NRG1: variants seen among roughly 807,000 people sequenced by gnomAD.
NRG1 encodes neuregulin 1, also known as pro-neuregulin-1, membrane-bound isoform.
NRG1 carries 18 observed loss-of-function variants against 63.8 expected under a neutral mutation model. The observed-to-expected ratio is 0.28, with a 90% CI of 0.19 to 0.42. The LOEUF (loss-of-function observed/expected upper bound fraction) is 0.42. NRG1 is among the 10% of genes least tolerant of loss of function. The pLI, the probability that NRG1 is intolerant of heterozygous loss-of-function variation, is 1.00. For synonymous variants in NRG1, 302 were observed against 301.3 expected (o/e 1.00, Z -0.02); for missense variants, 762 against 814.7 (o/e 0.94, Z 0.79).
chr8:32,731,373 A>T (rs1823613566), intron 6 of NRG1, among the ~76,000 whole-genome samples: 1 of 151,714 alleles, frequency 6.6e-6, no homozygotes. Flanking sequence ...TGTCTAGTGG[A>T]TCATTCTTGC....
At chr8:31,778,328 G>T (rs1350966882) in intron 1 of NRG1, among the ~76,000 whole-genome samples, 1 of 152,088 alleles carries the variant, frequency 6.6e-6, no homozygotes, top group South Asian at 2.1e-4. Context: ...GAAGCATGAA[G>T]CCAGCCAGCC....
At chr8:31,695,265 G>T (rs1809937755) in intron 1 of NRG1, among the ~76,000 whole-genome samples, 1 of 152,160 alleles carries the variant, frequency 6.6e-6, no homozygotes, top group South Asian at 2.1e-4. Context: ...TGCCTCTCAG[G>T]TTCAAGTGAT....
chr8:32,762,059 A>ACAAAC (rs1554668851), intron 11 of NRG1, among the ~76,000 whole-genome samples: 17 of 148,264 alleles, frequency 1.1e-4, no homozygotes, highest in African/African-American at 4.4e-4. Flanking sequence ...AAAAAAAAAA[A>ACAAAC]ACATTCTGGA....
At chr8:32,354,800 T>TTA (rs1554516716) in intron 1 of NRG1, among the ~76,000 whole-genome samples, 105 of 113,718 alleles carry the variant, frequency 9.2e-4, no homozygotes, top group Middle Eastern at 5.2e-3. Flanking sequence ...CTGCTTTTTT[T>TTA]AAAAAAAAAA....
chr8:32,276,827 G>T (rs1269228882), intron 1 of NRG1, among the ~76,000 whole-genome samples: 1 of 152,204 alleles, frequency 6.6e-6, no homozygotes, highest in Admixed American at 6.6e-5. Flanking sequence ...GACCTCCTGG[G>T]AGATAACTGG....
intron 1 of NRG1, among the ~76,000 whole-genome samples, chr8:32,587,346 G>A (rs558888852): frequency 5.9e-5 from 9 of 152,270 alleles, no homozygotes; most frequent in South Asian, 4.1e-4. Context: ...CCAGGGTCTC[G>A]GCTGAGGCAG....
chr8:32,387,075 G>A (rs1368086657), intron 1 of NRG1, among the ~76,000 whole-genome samples: 1 of 152,146 alleles, frequency 6.6e-6, no homozygotes, highest in Non-Finnish European at 1.5e-5. Context: ...TAGACTTCAG[G>A]AATAATTTTC....
exon 1 of NRG1, chr8:32,548,680 C>T (rs760717562): frequency 1.2e-5 from 18 of 1,547,586 alleles, no homozygotes; most frequent in Middle Eastern, 1.7e-4. Context: ...GGACCAAACT[C>T]GCCTGCGCCG....
intron 1 of NRG1, among the ~76,000 whole-genome samples, chr8:31,675,363 T>C (rs929596117): frequency 2.0e-5 from 3 of 152,124 alleles, no homozygotes; most frequent in Admixed American, 6.6e-5. Flanking sequence ...GTTGCTGCTG[T>C]AGAGTTTTGT....
At chr8:31,843,878 A>G (rs1826429120) in intron 1 of NRG1, among the ~76,000 whole-genome samples, 1 of 152,158 alleles carries the variant, frequency 6.6e-6, no homozygotes, top group East Asian at 1.9e-4. Flanking sequence ...GTCATTGTCA[A>G]TGTGGTAAGT....
At chr8:32,502,386 A>G (rs998676755) in intron 1 of NRG1, among the ~76,000 whole-genome samples, 1 of 140,388 alleles carries the variant, frequency 7.1e-6, no homozygotes. Flanking sequence ...ACCAGAGCCC[A>G]CCTCCAACAC....
At chr8:32,212,470 A>G (rs1444361351) in intron 1 of NRG1, among the ~76,000 whole-genome samples, 1 of 152,176 alleles carries the variant, frequency 6.6e-6, no homozygotes, top group South Asian at 2.1e-4. Context: ...GAATGATGGG[A>G]AAATTAAAAT....
At chr8:32,497,981 GC>G (rs1827411168) in intron 1 of NRG1, among the ~76,000 whole-genome samples, 1 of 152,042 alleles carries the variant, frequency 6.6e-6, no homozygotes, top group Non-Finnish European at 1.5e-5. Flanking sequence ...GCATGACCAT[GC>G]CCGGCTAATT....
chr8:32,020,077 G>A (rs924856160), intron 1 of NRG1, among the ~76,000 whole-genome samples: 1 of 152,028 alleles, frequency 6.6e-6, no homozygotes, highest in Admixed American at 6.6e-5. Flanking sequence ...CATTAAAACC[G>A]TGGATGAGTT....
intron 1 of NRG1, among the ~76,000 whole-genome samples, chr8:32,454,038 T>A (rs1821306532): frequency 6.6e-6 from 1 of 152,208 alleles, no homozygotes; most frequent in Admixed American, 6.5e-5. Flanking sequence ...TTCTGATGCG[T>A]AAAGCATATC....
chr8:31,761,782 T>C (rs1817585002), intron 1 of NRG1, among the ~76,000 whole-genome samples: 1 of 152,306 alleles, frequency 6.6e-6, no homozygotes, highest in African/African-American at 2.4e-5. Flanking sequence ...TTTGAAATAT[T>C]GTTAGAATTG....
chr8:31,645,873 C>T (rs1469877877), intron 1 of NRG1, among the ~76,000 whole-genome samples: 1 of 152,190 alleles, frequency 6.6e-6, no homozygotes, highest in Admixed American at 6.5e-5. Context: ...CTTTCTAACT[C>T]AGACTTCTGT....
chr8:32,710,130 T>C (rs1448282404), intron 5 of NRG1, among the ~76,000 whole-genome samples: 7 of 152,180 alleles, frequency 4.6e-5, no homozygotes, highest in Non-Finnish European at 2.9e-5. Context: ...AATTAACTTT[T>C]AATTAAGGAG....
intron 3 of NRG1, among the ~76,000 whole-genome samples, chr8:32,608,092 G>GTTTTTTTTTGTTT (rs1845600747): frequency 5.7e-5 from 6 of 106,154 alleles, no homozygotes; most frequent in Non-Finnish European, 9.9e-5. Context: ...GGTTTTTTTT[G>GTTTTTTTTTGTTT]TTTTTTTTTT....
Sources: gnomAD v4.1 joint callset for allele counts (sites outside exome capture counted in the v4.1 genomes callset) on GRCh38, gnomAD v4.1.1 for gene constraint, MANE v1.5 for transcripts, NCBI Gene and HGNC (gene_info 2026-07-23, HGNC 2026-07-21) for gene names.